VPS35L: variants seen among roughly 807,000 people sequenced by gnomAD.
The protein encoded by VPS35L is VPS35 endosomal protein-sorting factor-like.
In VPS35L, 83 loss-of-function variants were observed where a neutral mutation model predicts 133.0. That is an observed-to-expected ratio of 0.62 (90% CI 0.52 to 0.75). The LOEUF (loss-of-function observed/expected upper bound fraction) is 0.75. Among genes scored for constraint, VPS35L ranks in the 30% least tolerant of loss-of-function variants. VPS35L has a pLI of 0.00. For missense variants in VPS35L, 1,083 were observed against 1,206.8 expected (o/e 0.90, Z 1.52); for synonymous variants, 423 against 449.9 (o/e 0.94, Z 0.76).
chr16:19,627,117 A>G (rs1202714439), intron 15 of VPS35L, among the ~76,000 whole-genome samples: 4 of 152,088 alleles, frequency 2.6e-5, no homozygotes, highest in Non-Finnish European at 5.9e-5. Context: ...CCCTGTCTCT[A>G]CTAAAAATAC....
chr16:19,652,365 T>C (rs909468111), intron 26 of VPS35L: 2 of 287,172 alleles, frequency 7.0e-6, no homozygotes, highest in Admixed American at 4.9e-5. Flanking sequence ...AGATGGAGTT[T>C]CGTTTTGTTG....
In VPS35L at chr16:19,699,601, CT is replaced by C. The variant is rs746926944; in HGVS notation, c.2747del (p.Leu916ArgfsTer17). On this transcript the variant is annotated frameshift_variant, in exon 30 of 31. Coordinates refer to ENST00000417362, the MANE Select transcript of VPS35L (RefSeq NM_020314.7). LOFTEE classifies it high-confidence loss of function. This position sits in a 1 kb window ranked among gnomAD's most constrained non-coding sequence, Gnocchi z 4.2. ...CAAGCTCAACCAGCTCTCCGTCAAC[CT>C]GTGGCACCTGGCACAGAGGCACGGC... ...NNKLNQLSVNLWHLAQRHGCA... is the reference protein window; with the variant it reads ...NNKLNQLSVNXWHLAQRHGCA... The C allele has an allele frequency of 8.7e-6, 14 of 1,614,136 alleles. No individual in the cohort carries two copies. The highest frequency in any genetic ancestry group is 1.2e-5 in the Non-Finnish European group (14 of 1,180,038).
At chr16:19,684,750 T>G (rs1209687392) in intron 28 of VPS35L, among the ~76,000 whole-genome samples, 1 of 152,200 alleles carries the variant, frequency 6.6e-6, no homozygotes, top group African/African-American at 2.4e-5. Flanking sequence ...TTACACTGCT[T>G]TGTTGATTAC....
intron 9 of VPS35L, 174 bp from the exon 10 acceptor site, chr16:19,608,004 T>C: frequency 3.4e-6 from 2 of 595,488 alleles, no homozygotes; most frequent in Non-Finnish European, 6.0e-6. Flanking sequence ...TTAGAAAGCC[T>C]GTGTCTGTGT....
At chr16:19,577,753 C>T (rs1420442001) in intron 5 of VPS35L, among the ~76,000 whole-genome samples, 1 of 151,896 alleles carries the variant, frequency 6.6e-6, no homozygotes, top group East Asian at 1.9e-4. Flanking sequence ...GGGATTAGTG[C>T]CCTATAAAAG....
chr16:19,597,665 A>G (rs749403391), intron 8 of VPS35L, among the ~76,000 whole-genome samples: 4 of 152,214 alleles, frequency 2.6e-5, no homozygotes, highest in Admixed American at 6.5e-5. Context: ...TCTCCACTTC[A>G]GAATGGTGTT....
chr16:19,650,679 G>A (rs1974096267), intron 25 of VPS35L, among the ~76,000 whole-genome samples: 1 of 152,138 alleles, frequency 6.6e-6, no homozygotes, highest in South Asian at 2.1e-4. Flanking sequence ...AATACGTGTT[G>A]TGGGGAAGGT....
chr16:19,592,019 G>A (rs895348521), intron 8 of VPS35L, 145 bp downstream of exon 8: 7 of 593,274 alleles, frequency 1.2e-5, no homozygotes, highest in Admixed American at 3.2e-5. Flanking sequence ...TCCCCCCCAC[G>A]CCCATTAATA....
intron 27 of VPS35L, among the ~76,000 whole-genome samples, chr16:19,679,978 A>G (rs1466448582): frequency 6.6e-6 from 1 of 152,228 alleles, no homozygotes; most frequent in Non-Finnish European, 1.5e-5. Flanking sequence ...AGCTGACTGC[A>G]TGTATGCCTC....
At chr16:19,664,466 C>T (rs933870806) in intron 26 of VPS35L, among the ~76,000 whole-genome samples, 2 of 151,616 alleles carry the variant, frequency 1.3e-5, no homozygotes, top group Non-Finnish European at 2.9e-5. Flanking sequence ...GTCTCAAATA[C>T]AGTGACTGTA....
At chr16:19,599,317 C>T (rs1972310482) in intron 8 of VPS35L, among the ~76,000 whole-genome samples, 1 of 152,120 alleles carries the variant, frequency 6.6e-6, no homozygotes, top group Non-Finnish European at 1.5e-5. Context: ...TTCAATAGTC[C>T]CAGGTGCTTG....
intron 8 of VPS35L, among the ~76,000 whole-genome samples, chr16:19,595,258 G>A (rs1175762640): frequency 6.6e-6 from 1 of 152,176 alleles, no homozygotes; most frequent in Admixed American, 6.5e-5. Context: ...TAGGGCGGGG[G>A]TAGAGCCCGG....
chr16:19,610,463 TCC>T, intron 12 of VPS35L, 48 bp downstream of exon 12: 3 of 1,470,666 alleles, frequency 2.0e-6, no homozygotes, highest in Non-Finnish European at 2.8e-6. Flanking sequence ...GCCACCCGTC[TCC>T]TTGAATGTTC....
intron 8 of VPS35L, among the ~76,000 whole-genome samples, chr16:19,599,809 G>A (rs1972325566): frequency 6.6e-6 from 1 of 152,156 alleles, no homozygotes; most frequent in African/African-American, 2.4e-5. Flanking sequence ...GGGAGGCTAA[G>A]GCAAGCAGAT....
intron 29 of VPS35L, among the ~76,000 whole-genome samples, chr16:19,695,594 G>A (rs1388073683): frequency 2.6e-5 from 4 of 152,042 alleles, no homozygotes; most frequent in Non-Finnish European, 1.5e-5. Flanking sequence ...AAGGAGGATT[G>A]CTTTATTCCA....
intron 7 of VPS35L, chr16:19,581,884 G>A: frequency 1.8e-6 from 1 of 556,612 alleles, no homozygotes; most frequent in South Asian, 2.3e-5. Flanking sequence ...CACAACTCCA[G>A]GAAGCACTCT....
At chr16:19,569,256 G>C (rs773839483) in intron 2 of VPS35L, 168 bp from the exon 3 acceptor site, 36 of 786,150 alleles carry the variant, frequency 4.6e-5, no homozygotes, top group Non-Finnish European at 6.6e-5. Flanking sequence ...GTGATCCTGA[G>C]TCATGTCCAT....
chr16:19,573,278 G>T (rs982554310), intron 4 of VPS35L, 37 bp downstream of exon 4: 2 of 1,587,288 alleles, frequency 1.3e-6, no homozygotes, highest in Admixed American at 3.7e-5. Flanking sequence ...GTCTACTTTG[G>T]AGTTAGTAGT....
chr16:19,566,842 C>T (rs561993279), intron 2 of VPS35L, among the ~76,000 whole-genome samples: 7 of 152,148 alleles, frequency 4.6e-5, no homozygotes, highest in South Asian at 2.1e-4. Flanking sequence ...CTCTACCTCC[C>T]GGGTTCAAGT....
Sources: allele counts gnomAD v4.1 joint callset (sites outside exome capture counted in the v4.1 genomes callset), GRCh38; gene constraint gnomAD v4.1.1; non-coding constraint Gnocchi (gnomAD v3.1); transcripts MANE v1.5; gene names NCBI Gene and HGNC (gene_info 2026-07-23, HGNC 2026-07-21).